SPAG16: variants seen among roughly 807,000 people sequenced by gnomAD.
SPAG16 encodes the protein sperm-associated antigen 16 protein.
Under a neutral mutation model 80.4 loss-of-function variants are expected in SPAG16, and 86 were observed. The ratio of observed to expected loss-of-function variants is 1.07; its 90% CI spans 0.90 to 1.28. SPAG16 has a LOEUF of 1.28. Ranked by LOEUF, SPAG16 falls within the 50% of genes most tolerant of loss-of-function variation. The probability of loss-of-function intolerance (pLI) is 0.00; values close to 1 mark genes in which losing one functional copy is unlikely to be tolerated. For synonymous variants in SPAG16, 294 were observed against 265.9 expected (o/e 1.11, Z -1.03); for missense variants, 870 against 765.3 (o/e 1.14, Z -1.61).
chr2:214,065,957 C>T (rs1430068748), intron 13 of SPAG16, among the ~76,000 whole-genome samples: 1 of 152,134 alleles, frequency 6.6e-6, no homozygotes, highest in African/African-American at 2.4e-5. Context: ...TACTCAAATA[C>T]TCTTCATCTT....
intron 10 of SPAG16, among the ~76,000 whole-genome samples, chr2:213,827,840 C>G (rs1312572343): frequency 6.6e-6 from 1 of 151,800 alleles, no homozygotes; most frequent in Non-Finnish European, 1.5e-5. Flanking sequence ...ATGCCATTCT[C>G]TTGGTCAGTG....
chr2:213,540,014 C>G (rs2076379515), intron 10 of SPAG16, among the ~76,000 whole-genome samples: 1 of 149,876 alleles, frequency 6.7e-6, no homozygotes, highest in Non-Finnish European at 1.5e-5. Flanking sequence ...CACAATGATA[C>G]CATTATATTT....
intron 14 of SPAG16, among the ~76,000 whole-genome samples, chr2:214,133,080 G>A (rs1292014079): frequency 6.7e-6 from 1 of 149,682 alleles, no homozygotes; most frequent in Non-Finnish European, 1.5e-5. Context: ...CAACAAGAGT[G>A]AAACTCCATC....
intron 13 of SPAG16, among the ~76,000 whole-genome samples, chr2:214,052,902 G>A (rs953046151): frequency 3.9e-5 from 6 of 152,196 alleles, no homozygotes; most frequent in African/African-American, 7.2e-5. Flanking sequence ...GTTGAGGTGC[G>A]TTAGAGGAAG....
chr2:214,135,451 G>A (rs76233584), intron 14 of SPAG16, among the ~76,000 whole-genome samples: 126 of 152,230 alleles, frequency 8.3e-4, no homozygotes, highest in African/African-American at 3.0e-3. Context: ...AACAAAGTAT[G>A]CATGTTTATG....
intron 10 of SPAG16, among the ~76,000 whole-genome samples, chr2:213,538,796 T>C (rs2076333575): frequency 1.3e-5 from 2 of 150,502 alleles, no homozygotes; most frequent in African/African-American, 2.4e-5. Flanking sequence ...ACCAAAAAAG[T>C]ATGTATGTAC....
chr2:214,002,990 T>G (rs2046863267), intron 12 of SPAG16, among the ~76,000 whole-genome samples: 1 of 152,136 alleles, frequency 6.6e-6, no homozygotes. Context: ...GTGGTGTGCT[T>G]GCAAGCCCAC....
intron 15 of SPAG16, 135 bp downstream of exon 15, chr2:214,149,401 C>T (rs1312415251): frequency 1.3e-5 from 10 of 743,974 alleles, no homozygotes. Flanking sequence ...TATTACATTA[C>T]ATTAAGATAT....
intron 12 of SPAG16, among the ~76,000 whole-genome samples, chr2:213,990,105 T>C (rs1224249498): frequency 6.6e-6 from 1 of 152,112 alleles, no homozygotes; most frequent in African/African-American, 2.4e-5. Flanking sequence ...CCTTCCCCTT[T>C]GACATTTCTA....
intron 5 of SPAG16, among the ~76,000 whole-genome samples, chr2:213,331,173 G>A (rs2064086102): frequency 1.3e-5 from 2 of 152,100 alleles, no homozygotes; most frequent in Admixed American, 1.3e-4. Context: ...CCTTTCCCCA[G>A]GGGCCTCAGA....
chr2:213,372,389 A>T (rs1431805174), intron 8 of SPAG16, among the ~76,000 whole-genome samples: 7 of 152,120 alleles, frequency 4.6e-5, no homozygotes, highest in African/African-American at 1.7e-4. Flanking sequence ...AGCTTTAAAG[A>T]GGAAATAAAT....
chr2:213,805,081 A>T (rs2125650082), intron 10 of SPAG16, among the ~76,000 whole-genome samples: 1 of 152,276 alleles, frequency 6.6e-6, no homozygotes, highest in Non-Finnish European at 1.5e-5. Context: ...TGTCAAAGAG[A>T]TTGTCAAATG....
intron 12 of SPAG16, among the ~76,000 whole-genome samples, chr2:213,967,777 G>A (rs2044781325): frequency 6.6e-6 from 1 of 152,076 alleles, no homozygotes; most frequent in Admixed American, 6.5e-5. Flanking sequence ...AGTAGTTTAT[G>A]GGCTTTAATG....
At chr2:213,334,316 G>A (rs918382770) in intron 5 of SPAG16, among the ~76,000 whole-genome samples, 4 of 152,104 alleles carry the variant, frequency 2.6e-5, no homozygotes, top group South Asian at 2.1e-4. Flanking sequence ...TAATGCTGGC[G>A]AGGATATGGA....
intron 10 of SPAG16, among the ~76,000 whole-genome samples, chr2:213,589,062 C>CA (rs973927723): frequency 2.0e-5 from 3 of 151,904 alleles, no homozygotes; most frequent in Admixed American, 6.6e-5. Flanking sequence ...TTAGGTTTTA[C>CA]AAAAAACATA....
intron 10 of SPAG16, among the ~76,000 whole-genome samples, chr2:213,543,038 A>G (rs2076504849): frequency 6.6e-6 from 1 of 152,094 alleles, no homozygotes; most frequent in African/African-American, 2.4e-5. Context: ...AAAATGAGTG[A>G]TGGTTCATTG....
intron 15 of SPAG16, among the ~76,000 whole-genome samples, chr2:214,403,548 T>G (rs1354189204): frequency 6.6e-6 from 1 of 152,072 alleles, no homozygotes; most frequent in African/African-American, 2.4e-5. Flanking sequence ...CTAACCACAT[T>G]TCACATGCTC....
At chr2:214,252,852 G>C (rs1382188609) in intron 15 of SPAG16, among the ~76,000 whole-genome samples, 2 of 152,128 alleles carry the variant, frequency 1.3e-5, no homozygotes, top group Non-Finnish European at 2.9e-5. Context: ...CTAAGTTCTA[G>C]AACCTTGAGA....
rs559969092 is a variant in SPAG16 at position 213,938,877 on chromosome 2, T to C, written c.1400+8732T>C. 4.5e-4 allele frequency among the ~76,000 whole-genome samples: 68 copies of C among 152,112 alleles called. No individual in the cohort carries two copies. In the Middle Eastern group the frequency reaches 0.017, roughly 38 times the overall value. Reference sequence around the variant, plus strand: ...AATAAAGATGAGGTTTTTTTTTCTCTTAAAGGACTAGGAAATATAATTTTG... The same window carrying C: ...AATAAAGATGAGGTTTTTTTTTCTCCTAAAGGACTAGGAAATATAATTTTG... On this transcript the variant is annotated intron_variant, in intron 12 of 15. Transcript: ENST00000331683.
Sources: gnomAD v4.1 joint callset for allele counts (sites outside exome capture counted in the v4.1 genomes callset) on GRCh38, gnomAD v4.1.1 for gene constraint, MANE v1.5 for transcripts, NCBI Gene and HGNC (gene_info 2026-07-23, HGNC 2026-07-21) for gene names.